GNG12: variants seen among roughly 807,000 people sequenced by gnomAD.
The protein encoded by GNG12 is G protein subunit gamma 12.
For missense variants in GNG12, 69 were observed against 83.8 expected (o/e 0.82, Z 0.69); for synonymous variants, 28 against 29.7 (o/e 0.94, Z 0.19).
rs377208315 is a variant in GNG12 at position 67,738,411 on chromosome 1, G to A, written c.-26-30699C>T. On this transcript the variant is annotated intron_variant, in intron 2 of 3. Transcript: ENST00000370982. ...ATGCTTGTCCTAGGTATATAGAGGT[G>A]AATAAATAGACTCAGTCACTGTCCT... Among the ~76,000 whole-genome samples the A allele has an allele frequency of 4.6e-5, 7 of 152,236 alleles. 1 individual carries two copies. Among genetic ancestry groups the A allele is most frequent in the African/African-American group, 1.2e-4 (5 of 41,526 alleles).
chr1:67,709,677 A>T (rs1646269930), intron 2 of GNG12, among the ~76,000 whole-genome samples: 1 of 150,210 alleles, frequency 6.7e-6, no homozygotes, highest in Non-Finnish European at 1.5e-5. Flanking sequence ...TTCTGCTCAC[A>T]CCGAGTGGCC....
intron 1 of GNG12, among the ~76,000 whole-genome samples, chr1:67,795,233 C>T (rs1646824119): frequency 6.6e-6 from 1 of 152,170 alleles, no homozygotes; most frequent in African/African-American, 2.4e-5. Flanking sequence ...CCAACCCTGC[C>T]ATCCGCAGTT....
chr1:67,803,815 A>G (rs1557623069), intron 1 of GNG12, among the ~76,000 whole-genome samples: 1 of 152,244 alleles, frequency 6.6e-6, no homozygotes, highest in Non-Finnish European at 1.5e-5. Context: ...CAGAGGAGGC[A>G]GGCCTGAACA....
chr1:67,829,272 T>A (rs1360739963), intron 1 of GNG12, among the ~76,000 whole-genome samples: 1 of 152,210 alleles, frequency 6.6e-6, no homozygotes, highest in Non-Finnish European at 1.5e-5. Flanking sequence ...GTAACAGACT[T>A]CATGTATTAC....
At chr1:67,728,654 C>G (rs1382133585) in intron 2 of GNG12, among the ~76,000 whole-genome samples, 2 of 152,150 alleles carry the variant, frequency 1.3e-5, no homozygotes, top group Non-Finnish European at 2.9e-5. Context: ...GACGGGTCAG[C>G]AGTTGGCAGC....
chr1:67,821,681 AGGCTGCTAAATTTGT>A (rs1479321996), intron 1 of GNG12, among the ~76,000 whole-genome samples: 2 of 152,226 alleles, frequency 1.3e-5, no homozygotes, highest in Non-Finnish European at 2.9e-5. Flanking sequence ...TTGTTGTGTT[AGGCTGCTAAATTTGT>A]GGTAATTTGT....
chr1:67,741,979 G>A (rs1646485240), intron 2 of GNG12, among the ~76,000 whole-genome samples: 1 of 152,190 alleles, frequency 6.6e-6, no homozygotes, highest in Admixed American at 6.5e-5. Context: ...TGGGCCCACA[G>A]GTGGCTGAGG....
At chr1:67,724,430 G>T (rs765579195) in intron 2 of GNG12, among the ~76,000 whole-genome samples, 1 of 152,114 alleles carries the variant, frequency 6.6e-6, no homozygotes, top group Admixed American at 6.5e-5. Context: ...TCACTCTGTC[G>T]CCAGGCTGGA....
At chr1:67,739,005 T>C (rs1329490364) in intron 2 of GNG12, among the ~76,000 whole-genome samples, 1 of 151,906 alleles carries the variant, frequency 6.6e-6, no homozygotes, top group Non-Finnish European at 1.5e-5. Context: ...ATGGTAAAAC[T>C]CCATCATGAC....
At chr1:67,739,466 G>T (rs1646470846) in intron 2 of GNG12, among the ~76,000 whole-genome samples, 1 of 152,232 alleles carries the variant, frequency 6.6e-6, no homozygotes, top group Admixed American at 6.5e-5. Flanking sequence ...TATAGAGACA[G>T]AAGACAGAGG....
intron 1 of GNG12, 63 bp downstream of exon 1, chr1:67,833,281 C>T: frequency 1.6e-6 from 1 of 615,220 alleles, no homozygotes; most frequent in Non-Finnish European, 2.0e-6. Flanking sequence ...GCCGACGCCC[C>T]GCGCCGCGCC....
At chr1:67,717,621 T>C (rs753723991) in intron 2 of GNG12, among the ~76,000 whole-genome samples, 37 of 152,312 alleles carry the variant, frequency 2.4e-4, no homozygotes, top group Admixed American at 2.0e-4. Context: ...CAGGATTAAG[T>C]GTTCTTCAGA....
intron 2 of GNG12, among the ~76,000 whole-genome samples, chr1:67,747,794 C>A (rs1646515682): frequency 6.6e-6 from 1 of 152,222 alleles, no homozygotes; most frequent in African/African-American, 2.4e-5. Context: ...CCACAAAAGT[C>A]ACCATCTCTC....
intron 2 of GNG12, among the ~76,000 whole-genome samples, chr1:67,735,186 T>C (rs997946014): frequency 3.3e-5 from 5 of 152,190 alleles, no homozygotes; most frequent in African/African-American, 1.2e-4. Flanking sequence ...TAGGTATATA[T>C]TGAAATGGGT....
intron 2 of GNG12, among the ~76,000 whole-genome samples, chr1:67,752,103 C>G (rs1434684696): frequency 6.6e-6 from 1 of 152,192 alleles, no homozygotes; most frequent in African/African-American, 2.4e-5. Flanking sequence ...TTACGCTGAC[C>G]CTTTAATGAG....
At chr1:67,823,840 C>A (rs918641849) in intron 1 of GNG12, among the ~76,000 whole-genome samples, 12 of 152,148 alleles carry the variant, frequency 7.9e-5, no homozygotes, top group African/African-American at 2.7e-4. Context: ...TTTATTACAT[C>A]TTTATTCATC....
intron 2 of GNG12, among the ~76,000 whole-genome samples, chr1:67,752,487 T>C (rs1646544578): frequency 6.6e-6 from 1 of 152,210 alleles, no homozygotes; most frequent in African/African-American, 2.4e-5. Flanking sequence ...GTTATTCTAA[T>C]TTAAGGAATG....
rs1646230736 is a variant in GNG12 at position 67,704,096 on chromosome 1, A to AC, written c.*1354dup. 1 of 152,330 alleles carries AC rather than the reference A, an allele frequency of 6.6e-6. No homozygotes were observed. Among genetic ancestry groups the AC allele is most frequent in the African/African-American group, 2.4e-5 (1 of 41,582 alleles). 9.4% of individuals were successfully genotyped at this position (152,330 alleles called of 1,614,324 possible). ...ATAGGAGATTCCTCCTTTTGGGGCT[A>AC]CCCCCATACCTGGAAATTCCAAGAG... On this transcript the variant is annotated 3_prime_UTR_variant, in exon 4 of 4. Transcript: ENST00000370982.
At chr1:67,804,237 G>A (rs190144794) in intron 1 of GNG12, among the ~76,000 whole-genome samples, 32 of 152,284 alleles carry the variant, frequency 2.1e-4, no homozygotes, top group African/African-American at 7.5e-4. Context: ...ATAAAAATCA[G>A]TTAATTAATA....
Sources: gnomAD v4.1 joint callset for allele counts (sites outside exome capture counted in the v4.1 genomes callset) on GRCh38, gnomAD v4.1.1 for gene constraint, MANE v1.5 for transcripts, NCBI Gene and HGNC (gene_info 2026-07-23, HGNC 2026-07-21) for gene names.